SLC28A3: variants seen among roughly 807,000 people sequenced by gnomAD.
SLC28A3 encodes the protein solute carrier family 28 member 3, also known as concentrative Na(+)-nucleoside cotransporter 3.
A neutral mutation model predicts 84.2 loss-of-function variants in SLC28A3; 68 were observed. The ratio of observed to expected loss-of-function variants is 0.81; its 90% CI spans 0.66 to 0.99. The LOEUF is 0.99. SLC28A3 is among the 50% of genes least tolerant of loss of function. The pLI is 0.00. For missense variants in SLC28A3, 712 were observed against 841.5 expected, an observed-to-expected ratio of 0.85 and a Z score of 1.90; for synonymous variants, 267 against 303.6, an observed-to-expected ratio of 0.88 and a Z score of 1.25.
In SLC28A3 at chr9:84,278,358, G is replaced by A. The variant is rs770154527; in HGVS notation, c.1950-14C>T. 1.6e-5 allele frequency: 26 copies of A among 1,613,506 alleles called. No homozygotes were observed. The Admixed American group carries it at 4.2e-4, about 26-fold the overall frequency. On this transcript the variant is annotated splice_polypyrimidine_tract_variant and intron_variant, in intron 17 of 17. Coordinates refer to ENST00000376238, the MANE Select transcript of SLC28A3 (RefSeq NM_001199633.2). ...TTGGCAACAGTGCTGGTGGAAAGTG[G>A]AAAGAAACAGTTACATGAGCCATAG...
At chr9:84,306,942 G>T (rs1279414777) in intron 3 of SLC28A3, among the ~76,000 whole-genome samples, 2 of 131,004 alleles carry the variant, frequency 1.5e-5, no homozygotes, top group African/African-American at 5.8e-5. Context: ...AGGATTATTT[G>T]AGCCCAGGAG....
intron 3 of SLC28A3, among the ~76,000 whole-genome samples, chr9:84,307,849 C>G (rs1478350780): frequency 2.0e-5 from 3 of 152,182 alleles, no homozygotes; most frequent in Non-Finnish European, 4.4e-5. Context: ...ACACTTTGGT[C>G]ATTTGGTTAT....
At chr9:84,336,857 C>A (rs575500967) in intron 1 of SLC28A3, among the ~76,000 whole-genome samples, 3 of 152,276 alleles carry the variant, frequency 2.0e-5, no homozygotes, top group Admixed American at 2.0e-4. Flanking sequence ...ACAGATAGTT[C>A]TCTCTGCTTG....
chr9:84,352,892 C>CAA, the SLC28A3 span, among the ~76,000 whole-genome samples: 651 of 72,292 alleles, frequency 9.0e-3, 12 homozygotes, highest in African/African-American at 0.023. Flanking sequence ...GATTCTGTCT[C>CAA]AAAAAAAAAA....
intron 1 of SLC28A3, among the ~76,000 whole-genome samples, chr9:84,323,957 C>T (rs1047423873): frequency 1.2e-4 from 18 of 152,212 alleles, no homozygotes; most frequent in African/African-American, 4.3e-4. Context: ...AGCTACCTCT[C>T]CTACCCACTG....
At position 84,286,112 on chromosome 9, in the gene SLC28A3, C is replaced by T. The variant is rs776827490; in HGVS notation, c.1281-1G>A. 2.5e-6 allele frequency: 4 copies of T among 1,612,948 alleles called. No homozygotes were observed. The highest frequency in any genetic ancestry group is 1.7e-5 in the Admixed American group (1 of 59,894). ...AGCTTCTAGAAGATTCCCTGAATCACTTTATCAAGAAATAGCAATTCCAGA... is the reference window on the plus strand; with the variant it reads ...AGCTTCTAGAAGATTCCCTGAATCATTTTATCAAGAAATAGCAATTCCAGA... On this transcript the variant is annotated splice_acceptor_variant, in intron 12 of 17. Transcript: ENST00000376238. LOFTEE classifies it high-confidence loss of function.
chr9:84,302,165 C>T (rs765379086), intron 5 of SLC28A3, 35 bp downstream of exon 5: 2 of 1,602,638 alleles, frequency 1.2e-6, no homozygotes, highest in Admixed American at 3.4e-5. Flanking sequence ...ACTACTATCT[C>T]TCTTAACTGA....
intron 16 of SLC28A3, 46 bp from the exon 17 acceptor site, chr9:84,279,431 A>G: frequency 2.3e-6 from 3 of 1,287,686 alleles, no homozygotes; most frequent in South Asian, 2.2e-5. Context: ...TTTTAGTTTT[A>G]TTTATGTATT....
At chr9:84,348,622 T>C in the SLC28A3 span, among the ~76,000 whole-genome samples, 1 of 152,230 alleles carries the variant, frequency 6.6e-6, no homozygotes, top group Admixed American at 6.5e-5. Flanking sequence ...TATGTTAGAA[T>C]CTTTATCACT....
chr9:84,366,760 G>A, the SLC28A3 span, among the ~76,000 whole-genome samples: 2 of 152,174 alleles, frequency 1.3e-5, no homozygotes, highest in African/African-American at 4.8e-5. Context: ...TCTCTGTTCT[G>A]AGCCACCTAA....
At chr9:84,280,701 A>C in intron 15 of SLC28A3, 100 bp downstream of exon 15, 14 of 1,092,562 alleles carry the variant, frequency 1.3e-5, no homozygotes, top group Non-Finnish European at 1.8e-5. Flanking sequence ...GACTGTTGCA[A>C]AGGCCTTTGT....
chr9:84,314,516 G>T (rs1826100765), intron 1 of SLC28A3, among the ~76,000 whole-genome samples: 1 of 152,026 alleles, frequency 6.6e-6, no homozygotes. Flanking sequence ...TCTCTGACTG[G>T]CCCCAGGAAT....
chr9:84,295,586 A>AAAAC (rs57475975), intron 8 of SLC28A3, among the ~76,000 whole-genome samples: 16,598 of 151,690 alleles, frequency 0.11, 2,092 homozygotes, highest in East Asian at 0.3. Context: ...CCATCTCACA[A>AAAAC]AAACAAACAA....
chr9:84,344,150 T>C (rs550710122), upstream of SLC28A3, among the ~76,000 whole-genome samples: 1 of 150,758 alleles, frequency 6.6e-6, no homozygotes, highest in African/African-American at 2.4e-5. Flanking sequence ...GTCTGGGGAG[T>C]CATGCCCTAC....
chr9:84,279,172 CAAAA>C (rs11309306), intron 17 of SLC28A3, 89 bp downstream of exon 17: 1,306 of 945,480 alleles, frequency 1.4e-3, no homozygotes, highest in East Asian at 2.9e-3. Flanking sequence ...GACTCCGTCT[CAAAA>C]AAAAAAAAAA....
In SLC28A3 at chr9:84,309,774, T is replaced by G. The variant is rs1825929427; in HGVS notation, c.157-60A>C. The G allele has an allele frequency of 2.0e-5, 29 of 1,427,562 alleles. No homozygotes were observed. In the South Asian group the frequency reaches 2.2e-4, roughly 11 times the overall value. 88.4% of individuals were successfully genotyped at this position (1,427,562 alleles called of 1,614,324 possible). On this transcript the variant is annotated intron_variant, in intron 2 of 17. Transcript: ENST00000376238. ...TGAGCATCCTGGGCATAATGGACCC[T>G]GGTTTCATTGCTCAGAACTCGGGCA...
rs764776612 is a variant in SLC28A3 at position 84,279,376 on chromosome 9, G to A, written c.1838C>T (p.Ser613Phe). Residue 613 changes from serine to phenylalanine, a missense_variant, in exon 17 of 18, where the codon TCC becomes TTC. Physicochemically the swap from Ser to Phe is radical, Grantham distance 155. Coordinates refer to ENST00000376238, the MANE Select transcript of SLC28A3 (RefSeq NM_001199633.2). ...GCAGTTGATGTCCACAGGAGTGCTG[G>A]AGAGTATGCCTAGAAGTGGAACAGA... ...FMTACIAGIL[S>F]STPVDINCHH... 15 of 1,588,274 alleles carry A rather than the reference G, an allele frequency of 9.4e-6. No homozygotes were observed. The Admixed American group carries it at 1.9e-4, about 20-fold the overall frequency.
intron 1 of SLC28A3, among the ~76,000 whole-genome samples, chr9:84,320,330 C>T (rs1245915010): frequency 6.6e-6 from 1 of 151,962 alleles, no homozygotes; most frequent in Admixed American, 6.6e-5. Flanking sequence ...GCTGGGATTA[C>T]AAGCGTGAGC....
intron 1 of SLC28A3, among the ~76,000 whole-genome samples, chr9:84,326,639 C>CAAT (rs1157464946): frequency 1.3e-3 from 12 of 9,112 alleles, no homozygotes; most frequent in African/African-American, 6.3e-3. Flanking sequence ...TTAAAAACAA[C>CAAT]AACAACAACA....
Sources: gnomAD v4.1 joint callset for allele counts (sites outside exome capture counted in the v4.1 genomes callset) on GRCh38, gnomAD v4.1.1 for gene constraint, MANE v1.5 for transcripts, NCBI Gene and HGNC (gene_info 2026-07-23, HGNC 2026-07-21) for gene names.